Variants in CNTLN observed in about 807,000 individuals in gnomAD.
CNTLN encodes centlein, also known as centlein, centrosomal protein.
In CNTLN, 212 loss-of-function variants were observed where a neutral mutation model predicts 180.0. The observed-to-expected ratio is 1.18, with a 90% CI of 1.05 to 1.32. The LOEUF is 1.32. CNTLN is among the 40% of genes most tolerant of loss of function. The pLI is 0.00. For missense variants in CNTLN, 2,095 were observed against 1,610.9 expected, an observed-to-expected ratio of 1.30 and a Z score of -5.14; for synonymous variants, 722 against 563.1, an observed-to-expected ratio of 1.28 and a Z score of -3.99.
chr9:17,135,990 C>T (rs1002375113), intron 1 of CNTLN, among the ~76,000 whole-genome samples: 1 of 152,280 alleles, frequency 6.6e-6, no homozygotes, highest in East Asian at 1.9e-4. Flanking sequence ...GTTTATTAAC[C>T]AGCTATGGTA....
chr9:17,263,543 T>G (rs1354944826), intron 5 of CNTLN, among the ~76,000 whole-genome samples: 1 of 151,738 alleles, frequency 6.6e-6, no homozygotes, highest in Non-Finnish European at 1.5e-5. Flanking sequence ...TTTATAATCC[T>G]TTGGGTGTAT....
At chr9:17,319,191 A>T (rs1379694847) in intron 8 of CNTLN, among the ~76,000 whole-genome samples, 2 of 152,212 alleles carry the variant, frequency 1.3e-5, no homozygotes, top group African/African-American at 4.8e-5. Context: ...ATAGGCCCAG[A>T]GGTGAGAAAG....
In CNTLN at chr9:17,171,690, C is replaced by T. The variant is rs189411668; in HGVS notation, c.449+28314C>T. Among the ~76,000 whole-genome samples, 519 of 152,036 alleles carry T rather than the reference C, an allele frequency of 3.4e-3. 14 individuals are homozygous for T. The highest frequency in any genetic ancestry group is 0.03 in the Admixed American group (460 of 15,270). Reference sequence around the variant, plus strand: ...ATGTGTGGAGGGAGGGATGGTGACTCCAGGGTCTGGGGTAGCAGTGGTTCT... The same window carrying T: ...ATGTGTGGAGGGAGGGATGGTGACTTCAGGGTCTGGGGTAGCAGTGGTTCT... On this transcript the variant is annotated intron_variant, in intron 2 of 25. Transcript: ENST00000380647.
intron 12 of CNTLN, among the ~76,000 whole-genome samples, chr9:17,361,750 C>T (rs754382350): frequency 2.6e-5 from 4 of 152,158 alleles, no homozygotes; most frequent in Non-Finnish European, 4.4e-5. Context: ...AGGCAGAAAT[C>T]GAGCCATCAT....
intron 2 of CNTLN, among the ~76,000 whole-genome samples, chr9:17,170,595 C>T (rs1187774432): frequency 6.6e-6 from 1 of 152,060 alleles, no homozygotes; most frequent in East Asian, 1.9e-4. Flanking sequence ...CTGATGTTGA[C>T]ACTATTTCAT....
intron 25 of CNTLN, among the ~76,000 whole-genome samples, chr9:17,496,342 A>G (rs1267628573): frequency 6.6e-6 from 1 of 152,218 alleles, no homozygotes; most frequent in Non-Finnish European, 1.5e-5. Flanking sequence ...GTCCAAGATC[A>G]GGCATTAGCC....
At chr9:17,371,992 T>C (rs1824359432) in intron 13 of CNTLN, among the ~76,000 whole-genome samples, 1 of 152,064 alleles carries the variant, frequency 6.6e-6, no homozygotes, top group African/African-American at 2.4e-5. Context: ...TTTATAGCTA[T>C]AAATGCCTAC....
chr9:17,201,454 C>T (rs1042861044), intron 2 of CNTLN, among the ~76,000 whole-genome samples: 4 of 152,090 alleles, frequency 2.6e-5, no homozygotes, highest in Non-Finnish European at 4.4e-5. Context: ...GCTGTGAATC[C>T]GTCTGGACCT....
At chr9:17,384,866 A>C (rs1825565008) in intron 13 of CNTLN, among the ~76,000 whole-genome samples, 1 of 152,138 alleles carries the variant, frequency 6.6e-6, no homozygotes, top group South Asian at 2.1e-4. Flanking sequence ...TTGCTTCTCT[A>C]AACTCCAATT....
At chr9:17,446,196 T>C (rs1043952579) in intron 18 of CNTLN, among the ~76,000 whole-genome samples, 4 of 152,146 alleles carry the variant, frequency 2.6e-5, no homozygotes, top group African/African-American at 7.2e-5. Flanking sequence ...ATCCTCCATA[T>C]GCTGAACGCT....
At chr9:17,326,741 C>T (rs932082196) in intron 8 of CNTLN, among the ~76,000 whole-genome samples, 5 of 152,028 alleles carry the variant, frequency 3.3e-5, no homozygotes, top group Non-Finnish European at 7.4e-5. Context: ...GGCACTTTAC[C>T]TCTATGATCT....
chr9:17,386,677 A>G (rs560387351), intron 13 of CNTLN, among the ~76,000 whole-genome samples: 40 of 152,204 alleles, frequency 2.6e-4, no homozygotes, highest in Admixed American at 3.9e-4. Context: ...TGGTTAGCCA[A>G]TCTACCAGTG....
chr9:17,311,451 GTTT>G (rs112794584), intron 8 of CNTLN, among the ~76,000 whole-genome samples: 2 of 133,806 alleles, frequency 1.5e-5, no homozygotes, highest in Non-Finnish European at 1.6e-5. Context: ...GGGTTTTTCT[GTTT>G]TTTTTTTTTT....
chr9:17,428,398 C>T (rs910275760), intron 18 of CNTLN, among the ~76,000 whole-genome samples: 14 of 152,232 alleles, frequency 9.2e-5, no homozygotes, highest in African/African-American at 2.9e-4. Flanking sequence ...TTCACAACAT[C>T]CCTGTGAGAT....
chr9:17,198,534 A>G (rs1015801223), intron 2 of CNTLN, among the ~76,000 whole-genome samples: 3 of 98,096 alleles, frequency 3.1e-5, no homozygotes, highest in African/African-American at 1.1e-4. Context: ...TACTTTCTTG[A>G]TTTTTTTTTT....
chr9:17,362,319 A>G (rs1564029681), intron 12 of CNTLN, among the ~76,000 whole-genome samples: 1 of 152,084 alleles, frequency 6.6e-6, no homozygotes, highest in Non-Finnish European at 1.5e-5. Flanking sequence ...AACCTAATCC[A>G]AGCTTAATCA....
rs371043226 is a variant in CNTLN at position 17,135,139 on chromosome 9, T to C, written c.74T>C (p.Val25Ala). 9 of 1,608,136 alleles carry C rather than the reference T, an allele frequency of 5.6e-6. No individual in the cohort carries two copies. The highest frequency in any genetic ancestry group is 6.8e-6 in the Non-Finnish European group (8 of 1,178,180). The change falls in exon 1 of 26, where the codon GTT becomes GCT. Residue 25 changes from valine to alanine, a missense_variant. Physicochemically the swap from Val to Ala is moderately conservative, Grantham distance 64 (BLOSUM62 0). Coordinates refer to ENST00000380647, the MANE Select transcript of CNTLN (RefSeq NM_017738.4). ...ARQLGPRSPRVGRGAEVHAMR... is the reference protein window; with the variant it reads ...ARQLGPRSPRAGRGAEVHAMR... The stretch of plus-strand genomic sequence containing the variant: ...CAGCTGGGCCCCAGGTCCCCACGTG[T>C]TGGGCGGGGAGCTGAAGTACACGCA...
intron 3 of CNTLN, among the ~76,000 whole-genome samples, chr9:17,232,473 T>C (rs1824873930): frequency 6.8e-6 from 1 of 147,832 alleles, no homozygotes; most frequent in Admixed American, 6.7e-5. Context: ...ATCATTTATA[T>C]TGTCAGTGCC....
At chr9:17,528,196 A>G in the CNTLN span, among the ~76,000 whole-genome samples, 9 of 151,912 alleles carry the variant, frequency 5.9e-5, no homozygotes, top group Non-Finnish European at 1.3e-4. Context: ...TTCCTGAAGA[A>G]CACATTATAG....
Sources: gnomAD v4.1 joint callset for allele counts (sites outside exome capture counted in the v4.1 genomes callset) on GRCh38, gnomAD v4.1.1 for gene constraint, MANE v1.5 for transcripts, NCBI Gene and HGNC (gene_info 2026-07-23, HGNC 2026-07-21) for gene names.